Variants in USP36 observed in about 807,000 individuals in gnomAD.
USP36 encodes ubiquitin carboxyl-terminal hydrolase 36.
USP36 carries 59 observed loss-of-function variants against 111.5 expected under a neutral mutation model. That is an observed-to-expected ratio of 0.53 (90% confidence interval 0.43 to 0.66). The LOEUF is 0.66. Ranked by LOEUF, USP36 falls within the 30% of genes least tolerant of loss-of-function variation. USP36 has a pLI of 0.00. For synonymous variants in USP36, 628 were observed against 581.0 expected (o/e 1.08, Z -1.16); for missense variants, 1,488 against 1,468.0 (o/e 1.01, Z -0.22).
Position 78,803,710 on chromosome 17 carries a change from G to C in USP36, c.2485C>G (p.Leu829Val). 1 of 1,612,028 alleles carries C rather than the reference G, an allele frequency of 6.2e-7. No homozygotes were observed. The highest frequency in any genetic ancestry group is 8.5e-7 in the Non-Finnish European group (1 of 1,179,914). ...GTGGCCTCCCTGATGTGCTGTGGGA[G>C]GCGCGTCTCTGAGCCCAGCCTCTGC... Reference protein sequence around the residue: ...EPQRLGSETRLPQHIREATAA... With the variant: ...EPQRLGSETRVPQHIREATAA... Residue 829 changes from leucine to valine, a missense_variant, in exon 16 of 21, where the codon CTC becomes GTC. By Grantham distance (32) the Leu-to-Val change is conservative. Coordinates refer to ENST00000449938, the MANE Select transcript of USP36 (RefSeq NM_001385174.1). This position sits in a 1 kb window ranked among gnomAD's most constrained non-coding sequence, Gnocchi z 4.6.
chr17:78,812,138 G>T (rs994797368), intron 13 of USP36, among the ~76,000 whole-genome samples: 27 of 152,130 alleles, frequency 1.8e-4, no homozygotes, highest in Non-Finnish European at 2.8e-4. Context: ...CCTGAACCAT[G>T]ATTGTGCCAC....
At chr17:78,836,031 C>T (rs2145655504) in intron 3 of USP36, 80 bp downstream of exon 3, 7 of 1,552,136 alleles carry the variant, frequency 4.5e-6, no homozygotes, top group Middle Eastern at 4.8e-4. Context: ...GTTTTTCCTA[C>T]TAATTAGTCA....
intron 8 of USP36, 41 bp from the exon 9 acceptor site, chr17:78,820,053 G>A (rs2094281936): frequency 6.3e-7 from 1 of 1,596,976 alleles, no homozygotes; most frequent in Admixed American, 1.7e-5. Flanking sequence ...CACAGCAGAG[G>A]AAAAAGGCTG....
At position 78,807,119 on chromosome 17, in the gene USP36, T is replaced by C; in HGVS notation, c.1925A>G (p.Glu642Gly). Residue 642 changes from glutamate to glycine, a missense_variant, in exon 14 of 21, where the codon GAA (glutamate) becomes GGA (glycine). By Grantham distance (98) the Glu-to-Gly change is moderately conservative. Transcript: ENST00000449938. ...GTGGCCAGCGGTGGAACAGTTCGTT[T>C]CCTGAGAATCGCAGAGATGGGCCGC... The part of the protein sequence containing the change: ...SGAAHLCDSQ[E>G]TNCSTAGHSK... 6.2e-7 allele frequency: 1 copy of C among 1,614,218 alleles called. No individual in the cohort carries two copies. Among genetic ancestry groups the C allele is most frequent in the Non-Finnish European group, 8.5e-7 (1 of 1,180,032 alleles).
Position 78,798,062 on chromosome 17 carries a change from C to T in USP36, c.*21-183G>A. 3.7e-6 allele frequency: 1 copy of T among 269,122 alleles called. No individual in the cohort carries two copies. The highest frequency in any genetic ancestry group is 6.8e-5 in the East Asian group (1 of 14,680). The allele number at this position is 269,122 out of a possible 1,614,324, so 16.7% of individuals were successfully genotyped here. A position where few individuals can be genotyped will look rare whatever the true frequency, so the allele number is the denominator to read the frequency against. On this transcript the variant is annotated intron_variant, in intron 20 of 20. Coordinates refer to ENST00000449938, the MANE Select transcript of USP36 (RefSeq NM_001385174.1). This position sits in a 1 kb window ranked among gnomAD's most constrained non-coding sequence, Gnocchi z 5.1. ...AGATATACACACAACCCACATCCCA[C>T]ACACACCCCACACATGCCCTTCTCC...
At position 78,802,491 on chromosome 17, in the gene USP36, G is replaced by A; in HGVS notation, c.2855C>T (p.Ser952Phe). 2 of 1,608,740 alleles carry A rather than the reference G, an allele frequency of 1.2e-6. No individual in the cohort carries two copies. Among genetic ancestry groups the A allele is most frequent in the South Asian group, 2.2e-5 (2 of 90,942 alleles). Residue 952 changes from serine to phenylalanine, a missense_variant, in exon 17 of 21, where the codon TCT (serine) becomes TTT (phenylalanine). Around this residue, in one of 3 missense-constraint regions of USP36, gnomAD observed 1,073 missense variants for 994.1 expected, o/e 1.08. Coordinates refer to ENST00000449938, the MANE Select transcript of USP36 (RefSeq NM_001385174.1). Reference sequence around the variant, plus strand: ...TTTTTTCTTTTTCTTTTTCCTTGGAGACTCTTCCATGGCCTCTGGATCACC... The same window carrying A: ...TTTTTTCTTTTTCTTTTTCCTTGGAAACTCTTCCATGGCCTCTGGATCACC... The part of the protein sequence containing the change: ...GDGDPEAMEE[S>F]PRKKKKKKRK...
intron 7 of USP36, 61 bp from the exon 8 acceptor site, chr17:78,821,122 A>G: frequency 6.6e-6 from 10 of 1,504,292 alleles, no homozygotes; most frequent in East Asian, 2.4e-5. Context: ...CCAGCTCCCA[A>G]GACCGAGACC....
At chr17:78,814,812 T>C (rs963250392) in intron 10 of USP36, among the ~76,000 whole-genome samples, 5 of 152,046 alleles carry the variant, frequency 3.3e-5, no homozygotes, top group Non-Finnish European at 7.4e-5. Flanking sequence ...TAGCTGGGCA[T>C]GGTGGTGCAC....
chr17:78,804,984 G>A (rs531115883), intron 15 of USP36, among the ~76,000 whole-genome samples: 7 of 152,246 alleles, frequency 4.6e-5, no homozygotes, highest in East Asian at 3.9e-4. Context: ...TCATTAGGAC[G>A]CTGAAACCGG....
At chr17:78,827,800 T>C (rs776099574) in intron 5 of USP36, among the ~76,000 whole-genome samples, 1 of 152,176 alleles carries the variant, frequency 6.6e-6, no homozygotes, top group Non-Finnish European at 1.5e-5. Flanking sequence ...TCCCAGCTAC[T>C]TAGGTGGCTG....
chr17:78,821,398 ATATATATATATATATATATATATTT>A (rs2094317903), intron 7 of USP36: 1 of 46,298 alleles, frequency 2.2e-5, no homozygotes, highest in Non-Finnish European at 3.9e-5. Context: ...ATATATATAT[ATATATATATATATATATATATATTT>A]TTTTTTTTTT....
intron 4 of USP36, among the ~76,000 whole-genome samples, chr17:78,834,997 G>GTGTGTGTATATATATATA (rs968867639): frequency 7.1e-6 from 1 of 141,392 alleles, no homozygotes; most frequent in African/African-American, 2.8e-5. Flanking sequence ...AATAATATTT[G>GTGTGTGTATATATATATA]TATATATATA....
At chr17:78,806,025 G>T in intron 15 of USP36, 131 bp downstream of exon 15, 1 of 1,497,656 alleles carries the variant, frequency 6.7e-7, no homozygotes, top group Non-Finnish European at 9.0e-7. Context: ...ACGCCCCCCT[G>T]TACCTCCTGG....
Position 78,807,136 on chromosome 17 carries a change from A to G in USP36, c.1908T>C (p.His636=), listed in dbSNP as rs139133507. ...AGTTCGTTTCCTGAGAATCGCAGAG[A>G]TGGGCCGCTCCACTCCTGGGGGTCT... ...APQTPRSGAA[H]LCDSQETNCS... is the part of the protein sequence containing the mutation. Residue 636 remains histidine (H), a synonymous_variant, in exon 14 of 21, where the codon CAT becomes CAC. Coordinates refer to ENST00000449938, the MANE Select transcript of USP36 (RefSeq NM_001385174.1). The G allele has an allele frequency of 1.9e-3, 3,059 of 1,614,038 alleles. 4 individuals are homozygous for G. Among genetic ancestry groups the G allele is most frequent in the Non-Finnish European group, 2.5e-3 (2,935 of 1,180,038 alleles).
chr17:78,830,439 G>A (rs895211289), intron 4 of USP36, among the ~76,000 whole-genome samples: 9 of 152,092 alleles, frequency 5.9e-5, no homozygotes, highest in African/African-American at 2.2e-4. Flanking sequence ...CATTTTCTCT[G>A]CTATCATAGA....
chr17:78,820,980 C>G lies in USP36; in HGVS notation c.828+11G>C. On this transcript the variant is annotated intron_variant, in intron 8 of 20. Coordinates refer to ENST00000449938, the MANE Select transcript of USP36 (RefSeq NM_001385174.1). ...CCTACTGCAAAAGTGAAGGGCAGGA[C>G]AGATCTGTACCCGGATCTCCAGCGC... The G allele has an allele frequency of 6.2e-7, 1 of 1,605,790 alleles. No homozygotes were observed. The highest frequency in any genetic ancestry group is 8.5e-7 in the Non-Finnish European group (1 of 1,175,912).
In USP36 at chr17:78,820,028, A is replaced by G; in HGVS notation, c.829-16T>C. 1 of 1,613,826 alleles carries G rather than the reference A, an allele frequency of 6.2e-7. No individual in the cohort carries two copies. The highest frequency in any genetic ancestry group is 8.5e-7 in the Non-Finnish European group (1 of 1,179,812). On this transcript the variant is annotated splice_polypyrimidine_tract_variant and intron_variant, in intron 8 of 20. Coordinates refer to ENST00000449938, the MANE Select transcript of USP36 (RefSeq NM_001385174.1). ...TCGCAGCTTGCTGAGGAGGACAAAA[A>G]CAGGGAGTAAAATACACAGCAGAGG...
chr17:78,836,444 C>G (rs913191478), intron 2 of USP36, 72 bp from the exon 3 acceptor site: 4 of 1,545,608 alleles, frequency 2.6e-6, no homozygotes, highest in Non-Finnish European at 3.5e-6. Context: ...TTAAGATCTC[C>G]TCTTTGGTCA....
In USP36 at chr17:78,815,796, A is replaced by G. The variant is rs115501663; in HGVS notation, c.1024-1244T>C. Among the ~76,000 whole-genome samples the G allele has an allele frequency of 1.7e-3, 255 of 152,264 alleles. 2 individuals carry two copies. Among genetic ancestry groups the G allele is most frequent in the African/African-American group, 5.8e-3 (242 of 41,522 alleles). ...AATACATGCACACATATATACATAC[A>G]TGCATACATACATCGTATACACACA... On this transcript the variant is annotated intron_variant, in intron 10 of 20. Transcript: ENST00000449938.
Sources: gnomAD v4.1 joint callset for allele counts (sites outside exome capture counted in the v4.1 genomes callset) on GRCh38, gnomAD v4.1.1 for gene constraint, gnomAD v4.1.1 regional missense constraint, Gnocchi (gnomAD v3.1) non-coding constraint, MANE v1.5 for transcripts, NCBI Gene and HGNC (gene_info 2026-07-23, HGNC 2026-07-21) for gene names.